TDP1: variants seen among roughly 807,000 people sequenced by gnomAD.
The protein encoded by TDP1 is tyr-DNA phosphodiesterase 1.
A neutral mutation model predicts 81.5 loss-of-function variants in TDP1; 64 were observed. The ratio of observed to expected loss-of-function variants is 0.79; its 90% CI spans 0.64 to 0.97. TDP1 has a LOEUF of 0.97. Among genes scored for constraint, TDP1 ranks in the 50% least tolerant of loss-of-function variants. TDP1 has a pLI of 0.00. For synonymous variants in TDP1, 256 were observed against 264.3 expected (o/e 0.97, Z 0.30); for missense variants, 723 against 743.8 (o/e 0.97, Z 0.33).
chr14:90,000,639 C>T (rs553548812), intron 14 of TDP1, among the ~76,000 whole-genome samples: 17 of 152,296 alleles, frequency 1.1e-4, no homozygotes, highest in African/African-American at 3.4e-4. Flanking sequence ...CCCACCTCGG[C>T]CCCCCAAAGT....
chr14:89,998,227 T>C (rs1896805191), intron 14 of TDP1, among the ~76,000 whole-genome samples: 1 of 151,750 alleles, frequency 6.6e-6, no homozygotes, highest in South Asian at 2.1e-4. Flanking sequence ...CAACTTTTGT[T>C]GCCCAATGAG....
chr14:89,968,304 G>C (rs1893190038), intron 5 of TDP1, among the ~76,000 whole-genome samples: 1 of 152,122 alleles, frequency 6.6e-6, no homozygotes, highest in Admixed American at 6.5e-5. Context: ...TCTAGATGGG[G>C]GCACCAGGGT....
At chr14:90,012,370 C>G (rs1324495794) in intron 14 of TDP1, among the ~76,000 whole-genome samples, 1 of 151,978 alleles carries the variant, frequency 6.6e-6, no homozygotes, top group African/African-American at 2.4e-5. Context: ...TTGAAGGATT[C>G]TGGCCCTTCT....
At chr14:90,021,072 G>A (rs771890808) in intron 15 of TDP1, among the ~76,000 whole-genome samples, 17 of 152,076 alleles carry the variant, frequency 1.1e-4, no homozygotes, top group Non-Finnish European at 2.1e-4. Flanking sequence ...GATTACAGGT[G>A]TGTGCCACTG....
At chr14:90,000,671 T>G (rs1394697250) in intron 14 of TDP1, among the ~76,000 whole-genome samples, 1 of 152,208 alleles carries the variant, frequency 6.6e-6, no homozygotes, top group Non-Finnish European at 1.5e-5. Context: ...AGGCATGAAC[T>G]ACTGCACCTG....
intron 15 of TDP1, among the ~76,000 whole-genome samples, chr14:90,026,628 G>A (rs1019786586): frequency 1.3e-5 from 2 of 151,586 alleles, no homozygotes; most frequent in African/African-American, 4.9e-5. Flanking sequence ...CCCCACGACA[G>A]GCCCCGGTGT....
intron 14 of TDP1, among the ~76,000 whole-genome samples, chr14:90,012,954 G>A (rs1380994953): frequency 6.6e-6 from 1 of 152,238 alleles, no homozygotes; most frequent in Admixed American, 6.5e-5. Context: ...TCATTTCGGA[G>A]CTTTAAGATT....
In TDP1 at chr14:89,988,953, G is replaced by C. The variant is rs1196775817; in HGVS notation, c.1180G>C (p.Val394Leu). The C allele has an allele frequency of 1.2e-6, 2 of 1,614,180 alleles. No individual in the cohort carries two copies. Among genetic ancestry groups the C allele is most frequent in the Non-Finnish European group, 1.7e-6 (2 of 1,180,028 alleles). Residue 394 changes from valine to leucine, a missense_variant, in exon 11 of 17, where the codon GTC becomes CTC. By Grantham distance (32) the Val-to-Leu change is conservative (BLOSUM62 1). Coordinates refer to ENST00000335725, the MANE Select transcript of TDP1 (RefSeq NM_018319.4). ...CATGCCTAACGCAGAGTCCTGGCCTGTCGTAGGTCAGTTTTCAAGCGTTGG... is the reference window on the plus strand; with the variant it reads ...CATGCCTAACGCAGAGTCCTGGCCTCTCGTAGGTCAGTTTTCAAGCGTTGG... ...SSMPNAESWP[V>L]VGQFSSVGSL...
rs150773386 is a variant in TDP1, at chr14:89,970,753, G to A, written c.660-422G>A. ...CTGTCTTCATTCAACTACAAAGGCC[G>A]GAAACATATCGAGTGATAAGGAAGC... is the stretch of plus-strand genomic sequence containing the variant. On this transcript the variant is annotated intron_variant, in intron 5 of 16. Coordinates refer to ENST00000335725, the MANE Select transcript of TDP1 (RefSeq NM_018319.4). The A allele has an allele frequency of 1.3e-4, 124 of 933,496 alleles. No individual in the cohort carries two copies. The East Asian group carries it at 8.8e-3, about 66-fold the overall frequency. 57.8% of individuals were successfully genotyped at this position (933,496 alleles called of 1,614,324 possible). A position where few individuals can be genotyped will look rare whatever the true frequency, so the allele number is the denominator to read the frequency against.
intron 6 of TDP1, chr14:89,975,242 A>G: frequency 5.0e-6 from 1 of 199,462 alleles, no homozygotes; most frequent in Non-Finnish European, 9.0e-6. Context: ...CGCCTGGCAA[A>G]TTTTTTCATA....
At chr14:90,033,548 A>C (rs1887526139) in intron 16 of TDP1, 1 of 341,208 alleles carries the variant, frequency 2.9e-6, no homozygotes, top group South Asian at 2.5e-5. Flanking sequence ...AGCCTACCCT[A>C]AACATGATCA....
intron 14 of TDP1, among the ~76,000 whole-genome samples, chr14:90,010,747 TTTTAC>T (rs879688520): frequency 5.9e-5 from 9 of 152,196 alleles, no homozygotes; most frequent in Non-Finnish European, 1.3e-4. Flanking sequence ...AAAACTTTAA[TTTTAC>T]TTTACTTTGT....
intron 5 of TDP1, chr14:89,970,683 G>A (rs1326219918): frequency 3.7e-6 from 1 of 268,562 alleles, no homozygotes; most frequent in Non-Finnish European, 5.7e-6. Context: ...CATTATAAAG[G>A]TATCTGGTAA....
chr14:89,990,284 C>T (rs1896028406), intron 12 of TDP1, among the ~76,000 whole-genome samples: 1 of 152,280 alleles, frequency 6.6e-6, no homozygotes, highest in African/African-American at 2.4e-5. Flanking sequence ...CATCTGTCAA[C>T]GCTGTCCCTT....
In TDP1 at chr14:90,008,059, G is replaced by A. The variant is rs1445801419; in HGVS notation, c.1542-11257G>A. On this transcript the variant is annotated intron_variant, in intron 14 of 16. Coordinates refer to ENST00000335725, the MANE Select transcript of TDP1 (RefSeq NM_018319.4). ...TGGTATTCTTCAGTTTAGCTACGAT[G>A]GATAAATAGGTATGGATTTATTTTT... Among the ~76,000 whole-genome samples, 10 of 152,230 alleles carry A rather than the reference G, an allele frequency of 6.6e-5. No individual in the cohort carries two copies. In the East Asian group the frequency reaches 1.7e-3, roughly 26 times the overall value.
chr14:90,043,031 C>G, intron 16 of TDP1, 39 bp from the exon 17 acceptor site: 1 of 1,614,010 alleles, frequency 6.2e-7, no homozygotes. Flanking sequence ...TTCTACCATC[C>G]TATTCAAATA....
chr14:90,005,846 T>C (rs1186417474), intron 14 of TDP1, among the ~76,000 whole-genome samples: 2 of 152,272 alleles, frequency 1.3e-5, no homozygotes, highest in Non-Finnish European at 2.9e-5. Context: ...TTTGGTATAG[T>C]ATTCTAAATA....
In TDP1 at chr14:90,011,906, TGAG is replaced by T. The variant is rs1225043927; in HGVS notation, c.1542-7406_1542-7404del. Among the ~76,000 whole-genome samples, 11 of 152,168 alleles carry T rather than the reference TGAG, an allele frequency of 7.2e-5. 1 individual carries two copies. The highest frequency in any genetic ancestry group is 2.0e-4 in the Admixed American group (3 of 15,280). ...GGACTACAGAAATTTGCATAAGTAA[TGAG>T]GAGCCAAATGTTAATTGCCAAGACA... On this transcript the variant is annotated intron_variant, in intron 14 of 16. Transcript: ENST00000335725.
chr14:89,984,376 T>C, intron 8 of TDP1, 140 bp from the exon 9 acceptor site: 2 of 1,556,526 alleles, frequency 1.3e-6, no homozygotes, highest in South Asian at 1.2e-5. Flanking sequence ...CTCAGATTTA[T>C]GTTTCATGTT....
Sources: gnomAD v4.1 joint callset for allele counts (sites outside exome capture counted in the v4.1 genomes callset) on GRCh38, gnomAD v4.1.1 for gene constraint, MANE v1.5 for transcripts, NCBI Gene and HGNC (gene_info 2026-07-23, HGNC 2026-07-21) for gene names.